Variants in LONP2 observed in about 807,000 individuals in gnomAD.
The protein encoded by LONP2 is lon protease homolog 2, peroxisomal.
In LONP2, 60 loss-of-function variants were observed where a neutral mutation model predicts 85.6. The ratio of observed to expected loss-of-function variants is 0.70; its 90% CI spans 0.57 to 0.87. The LOEUF (loss-of-function observed/expected upper bound fraction) is 0.87. LONP2 is among the 40% of genes least tolerant of loss of function. The probability of loss-of-function intolerance (pLI) is 0.00; values close to 1 mark genes in which losing one functional copy is unlikely to be tolerated. For missense variants in LONP2, 860 were observed against 1,063.5 expected (o/e 0.81, Z 2.66); for synonymous variants, 395 against 389.7 (o/e 1.01, Z -0.16).
intron 11 of LONP2, among the ~76,000 whole-genome samples, chr16:48,311,956 T>C (rs1973040609): frequency 2.0e-5 from 3 of 151,832 alleles, no homozygotes; most frequent in Non-Finnish European, 2.9e-5. Context: ...TTTTTTTTTT[T>C]CTGAGACAGA....
intron 2 of LONP2, among the ~76,000 whole-genome samples, chr16:48,253,838 C>T (rs913332007): frequency 6.6e-6 from 1 of 152,080 alleles, no homozygotes; most frequent in African/African-American, 2.4e-5. Flanking sequence ...AATTTTTGTT[C>T]GTCTTCTGGG....
chr16:48,360,852 CTT>C (rs1233544832), downstream of LONP2: 2 of 152,230 alleles, frequency 1.3e-5, no homozygotes, highest in African/African-American at 4.8e-5. Flanking sequence ...CTTTAAATAG[CTT>C]TTGATTATTT....
chr16:48,245,195 T>G (rs1331473340), intron 1 of LONP2, among the ~76,000 whole-genome samples: 5 of 152,162 alleles, frequency 3.3e-5, no homozygotes, highest in East Asian at 1.9e-4. Context: ...ATCCTTCTGT[T>G]TCCCTTTGTA....
intron 3 of LONP2, 55 bp downstream of exon 3, chr16:48,256,796 A>G: frequency 1.3e-6 from 2 of 1,551,196 alleles, no homozygotes; most frequent in Admixed American, 1.9e-5. Context: ...ATTGAGATCT[A>G]GATAGTGAGT....
intron 6 of LONP2, among the ~76,000 whole-genome samples, chr16:48,269,191 A>G (rs1331663027): frequency 6.6e-6 from 1 of 150,648 alleles, no homozygotes; most frequent in African/African-American, 2.4e-5. Flanking sequence ...GCAATTCTTT[A>G]CATCATCTGT....
chr16:48,285,161 C>T (rs187585496), intron 8 of LONP2, among the ~76,000 whole-genome samples: 15 of 151,894 alleles, frequency 9.9e-5, no homozygotes, highest in Admixed American at 2.6e-4. Context: ...TTCGCATGTC[C>T]TCTCACCACT....
chr16:48,293,677 A>C (rs1972606505), intron 8 of LONP2, among the ~76,000 whole-genome samples: 1 of 152,146 alleles, frequency 6.6e-6, no homozygotes, highest in Non-Finnish European at 1.5e-5. Context: ...AAGGGAGGCC[A>C]GGGTGAAAAG....
Position 48,354,079 on chromosome 16 carries a change from T to TGGGGGGGG in LONP2, c.*2278_*2285dup, listed in dbSNP as rs60798968. ...CTTTTTCACCTGGGTTTTTTTTTTT[T>TGGGGGGGG]GGGGGGGGTGGGGGGTTAGGGGTGG... On this transcript the variant is annotated 3_prime_UTR_variant, in exon 15 of 15. Coordinates refer to ENST00000285737, the MANE Select transcript of LONP2 (RefSeq NM_031490.5). 1 of 17,374 alleles carries TGGGGGGGG rather than the reference T, an allele frequency of 5.8e-5. No individual in the cohort carries two copies. Among genetic ancestry groups the TGGGGGGGG allele is most frequent in the Non-Finnish European group, 1.1e-4 (1 of 8,864 alleles). 1.1% of individuals were successfully genotyped at this position (17,374 alleles called of 1,614,324 possible). A position where few individuals can be genotyped will look rare whatever the true frequency, so the allele number is the denominator to read the frequency against.
intron 6 of LONP2, among the ~76,000 whole-genome samples, chr16:48,264,955 G>T (rs1020864445): frequency 7.9e-5 from 12 of 151,942 alleles, no homozygotes; most frequent in South Asian, 2.1e-4. Context: ...TGGTTTTTTT[G>T]TTTGTTTGTT....
intron 4 of LONP2, among the ~76,000 whole-genome samples, chr16:48,260,996 G>A (rs936031117): frequency 2.2e-4 from 34 of 152,212 alleles, no homozygotes; most frequent in African/African-American, 8.0e-4. Context: ...TGGTGGAAAG[G>A]TTGAAGATGC....
chr16:48,245,467 C>T (rs970475170), intron 1 of LONP2, among the ~76,000 whole-genome samples: 1 of 152,124 alleles, frequency 6.6e-6, no homozygotes, highest in African/African-American at 2.4e-5. Context: ...CACTTTGCAC[C>T]ATGCATGATG....
downstream of LONP2, chr16:48,361,241 A>T: frequency 3.7e-6 from 1 of 268,794 alleles, no homozygotes; most frequent in African/African-American, 2.2e-5. Flanking sequence ...GCAGGCACAC[A>T]CTCCCACGCA....
At chr16:48,281,835 A>G (rs1244827116) in intron 8 of LONP2, among the ~76,000 whole-genome samples, 1 of 152,208 alleles carries the variant, frequency 6.6e-6, no homozygotes, top group East Asian at 1.9e-4. Context: ...TACTACTTAG[A>G]TACAGTAGAC....
In LONP2 at chr16:48,353,824, GT is replaced by G. The variant is rs1469679499; in HGVS notation, c.*2023del. ...ACAAGGATATAACTTGGGGTTCTCG[GT>G]ATTCTTCCTTTAGTCCTGACACAGG... On this transcript the variant is annotated 3_prime_UTR_variant, in exon 15 of 15. Coordinates refer to ENST00000285737, the MANE Select transcript of LONP2 (RefSeq NM_031490.5). The G allele has an allele frequency of 1.3e-5, 2 of 152,014 alleles. No homozygotes were observed. The highest frequency in any genetic ancestry group is 3.9e-4 in the East Asian group (2 of 5,184). 9.4% of individuals were successfully genotyped at this position (152,014 alleles called of 1,614,324 possible). A position where few individuals can be genotyped will look rare whatever the true frequency, so the allele number is the denominator to read the frequency against.
intron 8 of LONP2, among the ~76,000 whole-genome samples, chr16:48,288,078 G>A (rs1972484976): frequency 6.6e-6 from 1 of 151,588 alleles, no homozygotes; most frequent in Admixed American, 6.6e-5. Context: ...TTCTATATTT[G>A]AGAAGGCTTC....
At position 48,355,635 on chromosome 16, in the gene LONP2, CA is replaced by C. The variant is rs1960316147; in HGVS notation, c.*3836del. The stretch of plus-strand genomic sequence containing the variant: ...ATTTGACATTCCTTCCAGCAATGCA[CA>C]AATGTTCCAGTTTCTCCACATCCTT... On this transcript the variant is annotated 3_prime_UTR_variant, in exon 15 of 15. Transcript: ENST00000285737. The C allele has an allele frequency of 6.6e-6, 1 of 152,212 alleles. No homozygotes were observed. The highest frequency in any genetic ancestry group is 1.5e-5 in the Non-Finnish European group (1 of 68,046). 9.4% of individuals were successfully genotyped at this position (152,212 alleles called of 1,614,324 possible). A position where few individuals can be genotyped will look rare whatever the true frequency, so the allele number is the denominator to read the frequency against.
At chr16:48,317,612 A>C (rs545853794) in intron 11 of LONP2, among the ~76,000 whole-genome samples, 1 of 152,368 alleles carries the variant, frequency 6.6e-6, no homozygotes, top group South Asian at 2.1e-4. Context: ...TCCCTTCACA[A>C]CATTCCTCAG....
rs941033303 is a variant in LONP2 at position 48,362,582 on chromosome 16, A to G, written c.*719A>G. On this transcript the variant is annotated 3_prime_UTR_variant, in exon 5 of 5. Coordinates refer to the LONP2 transcript ENST00000565867. The surrounding 1 kb of genome is among the most constrained non-coding windows in gnomAD (Gnocchi z 4.2). Reference sequence around the variant, plus strand: ...AAAATAGGATTAAAAAAGATATTAAAAAAATAAAATTACACTGAATGTGCA... The same window carrying G: ...AAAATAGGATTAAAAAAGATATTAAGAAAATAAAATTACACTGAATGTGCA... 16 of 757,280 alleles carry G rather than the reference A, an allele frequency of 2.1e-5. No individual in the cohort carries two copies. The Admixed American group carries it at 2.4e-4, about 11-fold the overall frequency. The allele number at this position is 757,280 out of a possible 1,614,324, so 46.9% of individuals were successfully genotyped here. A position where few individuals can be genotyped will look rare whatever the true frequency, so the allele number is the denominator to read the frequency against.
At chr16:48,275,759 C>T (rs1364195837) in intron 7 of LONP2, among the ~76,000 whole-genome samples, 1 of 152,108 alleles carries the variant, frequency 6.6e-6, no homozygotes, top group Non-Finnish European at 1.5e-5. Context: ...TTGTGAAAAG[C>T]CTCGAACTCC....
Sources: allele counts gnomAD v4.1 joint callset (sites outside exome capture counted in the v4.1 genomes callset), GRCh38; gene constraint gnomAD v4.1.1; non-coding constraint Gnocchi (gnomAD v3.1); transcripts MANE v1.5; gene names NCBI Gene and HGNC (gene_info 2026-07-23, HGNC 2026-07-21).